Variants in PCDH9 observed in about 807,000 individuals in gnomAD.
The protein encoded by PCDH9 is protocadherin 9.
Under a neutral mutation model 70.6 loss-of-function variants are expected in PCDH9, and 24 were observed. The observed-to-expected ratio is 0.34, with a 90% CI of 0.25 to 0.48. The LOEUF is 0.48. Among genes scored for constraint, PCDH9 ranks in the 20% least tolerant of loss-of-function variants. The pLI is 0.99. For synonymous variants in PCDH9, 562 were observed against 558.5 expected (o/e 1.01, Z -0.09); for missense variants, 1,281 against 1,503.6 (o/e 0.85, Z 2.45).
chr13:66,508,972 T>C (rs924001766), intron 4 of PCDH9, among the ~76,000 whole-genome samples: 11 of 152,156 alleles, frequency 7.2e-5, no homozygotes, highest in Non-Finnish European at 1.5e-5. Flanking sequence ...ACTAACATAA[T>C]GAACATAATG....
intron 2 of PCDH9, among the ~76,000 whole-genome samples, chr13:67,004,306 C>T (rs1210293050): frequency 6.7e-6 from 1 of 150,118 alleles, no homozygotes; most frequent in Non-Finnish European, 1.5e-5. Flanking sequence ...TGTGTTGGCT[C>T]GCACCTGTAA....
rs561424031 is a variant in PCDH9 at position 66,354,515 on chromosome 13, G to GA, written c.3341-49488dup. Among the ~76,000 whole-genome samples, 260 of 151,976 alleles carry GA rather than the reference G, an allele frequency of 1.7e-3. 2 individuals carry two copies. The highest frequency in any genetic ancestry group is 1.7e-3 in the Non-Finnish European group (114 of 67,936). On this transcript the variant is annotated intron_variant, in intron 4 of 4. Coordinates refer to ENST00000377865, the MANE Select transcript of PCDH9 (RefSeq NM_203487.3). ...CTGTTGCAAAGCTTTTCCTTAGGAA[G>GA]AAAAAATTGCCATACTCTGTTTCTT...
At chr13:66,974,001 A>G (rs1395808532) in intron 2 of PCDH9, among the ~76,000 whole-genome samples, 1 of 152,022 alleles carries the variant, frequency 6.6e-6, no homozygotes, top group African/African-American at 2.4e-5. Context: ...AAGCTGGAAC[A>G]TGATACATTA....
chr13:67,101,313 C>T (rs1434432397), intron 2 of PCDH9, among the ~76,000 whole-genome samples: 1 of 151,994 alleles, frequency 6.6e-6, no homozygotes, highest in Non-Finnish European at 1.5e-5. Flanking sequence ...TTCTGTGCAG[C>T]TGGAAAAAAA....
intron 4 of PCDH9, among the ~76,000 whole-genome samples, chr13:66,567,624 C>G (rs773288186): frequency 2.3e-4 from 35 of 152,072 alleles, no homozygotes; most frequent in Non-Finnish European, 4.1e-4. Context: ...ATAATGGACC[C>G]AAAGGACATG....
chr13:66,880,064 G>A (rs912246926), intron 3 of PCDH9: 1 of 152,180 alleles, frequency 6.6e-6, no homozygotes, highest in Non-Finnish European at 1.5e-5. Context: ...TGTTTTTATG[G>A]AAGGAAGAAT....
chr13:66,726,782 G>C (rs192034835), intron 3 of PCDH9, among the ~76,000 whole-genome samples: 145 of 152,278 alleles, frequency 9.5e-4, no homozygotes, highest in African/African-American at 3.3e-3. Flanking sequence ...AATGTCTGGA[G>C]AACTAAACTA....
intron 4 of PCDH9, among the ~76,000 whole-genome samples, chr13:66,471,771 A>G (rs1311529353): frequency 6.6e-6 from 1 of 152,202 alleles, no homozygotes; most frequent in Non-Finnish European, 1.5e-5. Context: ...CTAGCTCTAG[A>G]GTTTCCTAAC....
intron 4 of PCDH9, among the ~76,000 whole-genome samples, chr13:66,616,683 C>T (rs2077360654): frequency 6.6e-6 from 1 of 151,982 alleles, no homozygotes; most frequent in Non-Finnish European, 1.5e-5. Context: ...TGGAGGTTTC[C>T]TTTCTGGGAA....
chr13:67,154,605 T>TACACAC (rs765270091), intron 2 of PCDH9, among the ~76,000 whole-genome samples: 1,073 of 93,274 alleles, frequency 0.012, 52 homozygotes, highest in African/African-American at 0.046. Flanking sequence ...AATATATATA[T>TACACAC]ACACACACAC....
intron 4 of PCDH9, among the ~76,000 whole-genome samples, chr13:66,520,013 G>A (rs1439628105): frequency 1.3e-5 from 2 of 152,034 alleles, no homozygotes; most frequent in African/African-American, 2.4e-5. Context: ...ATCCAAATCG[G>A]TTCAGGACAA....
intron 2 of PCDH9, among the ~76,000 whole-genome samples, chr13:67,191,067 GT>G (rs2138019203): frequency 6.6e-6 from 1 of 152,130 alleles, no homozygotes; most frequent in South Asian, 2.1e-4. Context: ...AATGAAATAT[GT>G]TTTTAGTGCT....
At chr13:66,306,222 T>G (rs1279984145) in intron 4 of PCDH9, 1 of 152,012 alleles carries the variant, frequency 6.6e-6, no homozygotes, top group East Asian at 1.9e-4. Context: ...ATAATTGGAA[T>G]GTAGGTCTTT....
chr13:66,330,742 C>T (rs1005598469), intron 4 of PCDH9, among the ~76,000 whole-genome samples: 1 of 152,122 alleles, frequency 6.6e-6, no homozygotes, highest in Non-Finnish European at 1.5e-5. Flanking sequence ...AAGAAAGAAA[C>T]CTTGCATGTA....
chr13:66,865,760 C>T (rs574116917), intron 3 of PCDH9, among the ~76,000 whole-genome samples: 1 of 152,300 alleles, frequency 6.6e-6, no homozygotes, highest in African/African-American at 2.4e-5. Flanking sequence ...TCATTTTATA[C>T]TTCTTTCAAG....
chr13:66,798,398 C>T (rs1370871736), intron 3 of PCDH9, among the ~76,000 whole-genome samples: 4 of 152,086 alleles, frequency 2.6e-5, no homozygotes, highest in African/African-American at 9.7e-5. Context: ...CCTTTCTCCT[C>T]TGGAGTATAT....
At chr13:66,538,957 CA>C (rs1302632569) in intron 4 of PCDH9, among the ~76,000 whole-genome samples, 1 of 151,814 alleles carries the variant, frequency 6.6e-6, no homozygotes, top group Non-Finnish European at 1.5e-5. Flanking sequence ...AAAATAGAAA[CA>C]AAACTTTAAA....
At chr13:66,849,515 T>TAGAGAGAGAGAG (rs1315844570) in intron 3 of PCDH9, among the ~76,000 whole-genome samples, 54 of 72,508 alleles carry the variant, frequency 7.4e-4, no homozygotes, top group African/African-American at 2.3e-3. Flanking sequence ...TATATATATA[T>TAGAGAGAGAGAG]ATAGAGAGAG....
rs977634136 is a variant in PCDH9, at chr13:67,178,127, A to G, written c.3036+47278T>C. On this transcript the variant is annotated intron_variant, in intron 2 of 4. Transcript: ENST00000377865. Reference sequence around the variant, plus strand: ...TGTCCTTTTCTTCTCTACCTCACTTACTGCAGATGATATTATGTCTTGAAT... The same window carrying G: ...TGTCCTTTTCTTCTCTACCTCACTTGCTGCAGATGATATTATGTCTTGAAT... 2.0e-5 allele frequency among the ~76,000 whole-genome samples: 3 copies of G among 152,112 alleles called. No homozygotes were observed. In the East Asian group the frequency reaches 5.8e-4, roughly 29 times the overall value.
Sources: allele counts gnomAD v4.1 joint callset (sites outside exome capture counted in the v4.1 genomes callset), GRCh38; gene constraint gnomAD v4.1.1; transcripts MANE v1.5; gene names NCBI Gene and HGNC (gene_info 2026-07-23, HGNC 2026-07-21).